The following SLC39A11 variants were observed in gnomAD, a reference collection of about 807,000 sequenced individuals.
SLC39A11 encodes the protein zinc transporter ZIP11.
SLC39A11 carries 33 observed loss-of-function variants against 36.1 expected under a neutral mutation model. The ratio of observed to expected loss-of-function variants is 0.91; its 90% CI spans 0.69 to 1.22. The LOEUF (loss-of-function observed/expected upper bound fraction) is 1.22, where lower values mean the gene tolerates loss of function less well. Among genes scored for constraint, SLC39A11 ranks in the 50% most tolerant of loss-of-function variants. SLC39A11 has a pLI of 0.00. For missense variants in SLC39A11, 432 were observed against 430.3 expected (o/e 1.00, Z -0.03); for synonymous variants, 166 against 170.3 (o/e 0.97, Z 0.20).
chr17:72,669,173 T>C (rs2070885086), intron 7 of SLC39A11, among the ~76,000 whole-genome samples: 1 of 152,230 alleles, frequency 6.6e-6, no homozygotes, highest in African/African-American at 2.4e-5. Context: ...CTCAAAGTTA[T>C]ATAGGTTGCT....
At chr17:73,005,772 C>A (rs2083338569) in intron 4 of SLC39A11, among the ~76,000 whole-genome samples, 1 of 152,072 alleles carries the variant, frequency 6.6e-6, no homozygotes, top group Non-Finnish European at 1.5e-5. Context: ...CAGGGTGAAC[C>A]CACGTCTCTA....
chr17:73,035,698 T>C (rs956129451), intron 3 of SLC39A11, among the ~76,000 whole-genome samples: 2 of 151,264 alleles, frequency 1.3e-5, no homozygotes, highest in Non-Finnish European at 2.9e-5. Flanking sequence ...ATCCTGTCTC[T>C]ACTAAAAATA....
chr17:72,933,375 G>C (rs1206040861), intron 5 of SLC39A11, among the ~76,000 whole-genome samples: 1 of 152,164 alleles, frequency 6.6e-6, no homozygotes, highest in African/African-American at 2.4e-5. Context: ...GAGTATGTAT[G>C]ATGAAGACCA....
chr17:72,923,989 T>C (rs930093729), intron 5 of SLC39A11, among the ~76,000 whole-genome samples: 3 of 151,288 alleles, frequency 2.0e-5, no homozygotes, highest in Non-Finnish European at 4.4e-5. Context: ...TACAACAAAT[T>C]TTTAAAAATT....
At chr17:73,006,161 C>G (rs964982963) in intron 4 of SLC39A11, among the ~76,000 whole-genome samples, 1 of 152,138 alleles carries the variant, frequency 6.6e-6, no homozygotes, top group South Asian at 2.1e-4. Context: ...ATAAGGGTGG[C>G]GTCCATGAGA....
intron 6 of SLC39A11, among the ~76,000 whole-genome samples, chr17:72,742,202 C>CAA (rs34639707): frequency 4.4e-4 from 66 of 150,328 alleles, no homozygotes; most frequent in African/African-American, 1.3e-3. Flanking sequence ...GACTCCATCT[C>CAA]AAAAAAAAAG....
At chr17:72,800,831 C>T (rs1370972915) in intron 6 of SLC39A11, among the ~76,000 whole-genome samples, 1 of 151,970 alleles carries the variant, frequency 6.6e-6, no homozygotes, top group East Asian at 1.9e-4. Context: ...CAAGTCAGTT[C>T]TATTAATGAA....
intron 3 of SLC39A11, among the ~76,000 whole-genome samples, chr17:73,042,091 T>C (rs900452850): frequency 2.0e-5 from 3 of 152,194 alleles, no homozygotes; most frequent in African/African-American, 7.2e-5. Context: ...TTTGAAGGAA[T>C]TTCAGCTCTG....
chr17:72,944,714 T>G (rs1159056582), intron 5 of SLC39A11, among the ~76,000 whole-genome samples: 1 of 152,170 alleles, frequency 6.6e-6, no homozygotes, highest in Non-Finnish European at 1.5e-5. Context: ...GCCACATTCT[T>G]TGCAATAGCA....
At chr17:72,958,050 G>C (rs1027899328) in intron 4 of SLC39A11, among the ~76,000 whole-genome samples, 2 of 152,132 alleles carry the variant, frequency 1.3e-5, no homozygotes, top group Non-Finnish European at 2.9e-5. Flanking sequence ...AGAAACCCCA[G>C]AAATAAACCC....
intron 6 of SLC39A11, among the ~76,000 whole-genome samples, chr17:72,835,543 C>T (rs900707106): frequency 3.3e-5 from 5 of 152,206 alleles, no homozygotes; most frequent in African/African-American, 1.2e-4. Flanking sequence ...TCACTGCAGC[C>T]TCTACCTCCT....
intron 6 of SLC39A11, among the ~76,000 whole-genome samples, chr17:72,792,530 G>A (rs905596958): frequency 2.0e-5 from 3 of 152,180 alleles, no homozygotes; most frequent in Admixed American, 1.3e-4. Context: ...TGAAATTTCA[G>A]GCCTTAGAAA....
chr17:72,886,970 T>TGTAAGA (rs1171076764), intron 5 of SLC39A11, among the ~76,000 whole-genome samples: 10 of 152,354 alleles, frequency 6.6e-5, no homozygotes, highest in African/African-American at 2.4e-4. Flanking sequence ...TACAGGGGTC[T>TGTAAGA]TCCCTGACTG....
chr17:72,955,596 G>A (rs927542167), intron 4 of SLC39A11, among the ~76,000 whole-genome samples: 25 of 151,236 alleles, frequency 1.7e-4, no homozygotes, highest in Non-Finnish European at 2.7e-4. Context: ...GGCGTGAGCC[G>A]CAGCGCCCAG....
chr17:73,010,770 T>G (rs1385470260), intron 4 of SLC39A11, among the ~76,000 whole-genome samples: 2 of 152,338 alleles, frequency 1.3e-5, no homozygotes, highest in East Asian at 3.9e-4. Context: ...TCTTTTTGTC[T>G]CCTGCGTGTT....
chr17:73,020,829 C>T (rs576381516), intron 4 of SLC39A11, among the ~76,000 whole-genome samples: 45 of 151,886 alleles, frequency 3.0e-4, no homozygotes, highest in African/African-American at 1.0e-3. Context: ...GCTACAGGCG[C>T]GTGCCACCAC....
chr17:72,905,849 G>A (rs561239590), intron 5 of SLC39A11, among the ~76,000 whole-genome samples: 5 of 152,190 alleles, frequency 3.3e-5, no homozygotes, highest in Admixed American at 2.6e-4. Flanking sequence ...CGCCTCCCGG[G>A]TTCACGCCAT....
intron 7 of SLC39A11, among the ~76,000 whole-genome samples, chr17:72,723,242 C>A (rs2073778293): frequency 6.6e-6 from 1 of 152,072 alleles, no homozygotes; most frequent in African/African-American, 2.4e-5. Context: ...AGAGATGTCA[C>A]CAGGAGGACA....
At chr17:72,988,184 G>A (rs1342541183) in intron 4 of SLC39A11, among the ~76,000 whole-genome samples, 1 of 152,228 alleles carries the variant, frequency 6.6e-6, no homozygotes, top group Non-Finnish European at 1.5e-5. Flanking sequence ...TGGGCACAGT[G>A]GCTCACGCCT....
Sources: allele counts gnomAD v4.1 joint callset (sites outside exome capture counted in the v4.1 genomes callset), GRCh38; gene constraint gnomAD v4.1.1; transcripts MANE v1.5; gene names NCBI Gene and HGNC (gene_info 2026-07-23, HGNC 2026-07-21).